Variants in NCK1 observed in about 807,000 individuals in gnomAD.
NCK1 encodes the protein SH2/SH3 adapter protein NCK1.
Under a neutral mutation model 36.6 loss-of-function variants are expected in NCK1, and 19 were observed. That is an observed-to-expected ratio of 0.52 (90% CI 0.36 to 0.76). The LOEUF (loss-of-function observed/expected upper bound fraction) is 0.76, where lower values mean the gene tolerates loss of function less well. Among genes scored for constraint, NCK1 ranks in the 30% least tolerant of loss-of-function variants. NCK1 has a pLI of 0.00. For missense variants in NCK1, 358 were observed against 445.6 expected, an observed-to-expected ratio of 0.80 and a Z score of 1.77; for synonymous variants, 165 against 156.0, an observed-to-expected ratio of 1.06 and a Z score of -0.43.
At chr3:136,931,095 C>A (rs1344688734) in intron 2 of NCK1, among the ~76,000 whole-genome samples, 1 of 150,890 alleles carries the variant, frequency 6.6e-6, no homozygotes, top group Non-Finnish European at 1.5e-5. Flanking sequence ...TGTAGTATTG[C>A]TAGAAATTGA....
In NCK1 at chr3:136,950,027, A is replaced by G. The variant is rs1940932499; in HGVS notation, c.*1574A>G. ...TTAGTTCATATTCTATTATTTTTCTAACTCAGTACTCCTTTGTTGAGGGTA... is the reference window on the plus strand; with the variant it reads ...TTAGTTCATATTCTATTATTTTTCTGACTCAGTACTCCTTTGTTGAGGGTA... On this transcript the variant is annotated 3_prime_UTR_variant, in exon 4 of 4. Transcript: ENST00000481752. 6.6e-6 allele frequency among the ~76,000 whole-genome samples: 1 copy of G among 152,060 alleles called. No individual in the cohort carries two copies. Among genetic ancestry groups the G allele is most frequent in the African/African-American group, 2.4e-5 (1 of 41,438 alleles).
rs559153867 is a variant in NCK1, at chr3:136,934,256, A to G, written c.226+6029A>G. 2.1e-4 allele frequency among the ~76,000 whole-genome samples: 32 copies of G among 151,774 alleles called. No homozygotes were observed. The South Asian group carries it at 2.5e-3, about 12-fold the overall frequency. ...GAAGGTTTGTTACATAGGTAAATAC[A>G]TGTCATGGGGGTTTGCTGTTCATAT... On this transcript the variant is annotated intron_variant, in intron 2 of 3. Transcript: ENST00000481752.
chr3:136,947,410 T>G (rs1352393097), intron 3 of NCK1, among the ~76,000 whole-genome samples: 1 of 152,128 alleles, frequency 6.6e-6, no homozygotes, highest in East Asian at 1.9e-4. Flanking sequence ...AGTGTAGATA[T>G]TAGACAAAAT....
chr3:136,929,360 T>A (rs1043052722), intron 2 of NCK1, among the ~76,000 whole-genome samples: 1 of 152,142 alleles, frequency 6.6e-6, no homozygotes, highest in African/African-American at 2.4e-5. Flanking sequence ...CAATTTGGAG[T>A]AAGATATAAA....
chr3:136,929,888 G>C (rs1940349083), intron 2 of NCK1, among the ~76,000 whole-genome samples: 1 of 152,136 alleles, frequency 6.6e-6, no homozygotes, highest in Non-Finnish European at 1.5e-5. Context: ...ATTTTTATTT[G>C]TTAATACTCC....
At chr3:136,914,930 T>A (rs1299422408) in intron 1 of NCK1, among the ~76,000 whole-genome samples, 2 of 152,168 alleles carry the variant, frequency 1.3e-5, no homozygotes, top group African/African-American at 4.8e-5. Context: ...GAGCCAGTTG[T>A]TAAAAAGAGC....
intron 1 of NCK1, among the ~76,000 whole-genome samples, chr3:136,901,891 C>A (rs1939549682): frequency 6.6e-6 from 1 of 150,684 alleles, no homozygotes; most frequent in Non-Finnish European, 1.5e-5. Context: ...TTTATTATTT[C>A]TTTCCTTCTA....
chr3:136,884,756 T>C (rs1484189517), intron 1 of NCK1, among the ~76,000 whole-genome samples: 1 of 150,154 alleles, frequency 6.7e-6, no homozygotes, highest in Admixed American at 6.7e-5. Context: ...AGTCTCACTC[T>C]GTTGCCCAGG....
chr3:136,862,641 CGGCCGCCCGTGCGAGCCTGGGA>C (rs1938262502), intron 1 of NCK1, among the ~76,000 whole-genome samples: 1 of 79,436 alleles, frequency 1.3e-5, no homozygotes. Flanking sequence ...AGAGCCCGGG[CGGCCGCCCGTGCGAGCCTGGGA>C]GGTCGAGTGT....
At chr3:136,939,984 T>A (rs1368509036) in intron 2 of NCK1, among the ~76,000 whole-genome samples, 1 of 151,958 alleles carries the variant, frequency 6.6e-6, no homozygotes, top group Non-Finnish European at 1.5e-5. Flanking sequence ...CCTGAGTAGC[T>A]GGAACTACAG....
intron 1 of NCK1, among the ~76,000 whole-genome samples, chr3:136,906,171 C>CTG (rs1369686968): frequency 1.3e-5 from 2 of 151,116 alleles, no homozygotes; most frequent in Non-Finnish European, 3.0e-5. Context: ...AGTGTAGTCT[C>CTG]TGTGTGTTTT....
At chr3:136,889,529 G>T (rs1476595218) in intron 1 of NCK1, among the ~76,000 whole-genome samples, 1 of 152,078 alleles carries the variant, frequency 6.6e-6, no homozygotes, top group Non-Finnish European at 1.5e-5. Flanking sequence ...TCCACAGTGT[G>T]GAAGGGGACC....
At chr3:136,939,074 T>A (rs1255877700) in intron 2 of NCK1, among the ~76,000 whole-genome samples, 1 of 152,216 alleles carries the variant, frequency 6.6e-6, no homozygotes, top group Non-Finnish European at 1.5e-5. Context: ...TTTAAACGTT[T>A]AGTAAAATCC....
chr3:136,887,897 C>A (rs910741759), intron 1 of NCK1, among the ~76,000 whole-genome samples: 1 of 151,840 alleles, frequency 6.6e-6, no homozygotes, highest in African/African-American at 2.4e-5. Context: ...TTCTTGTTAT[C>A]TTTTATTCAT....
intron 2 of NCK1, chr3:136,928,474 C>T (rs1940305410): frequency 4.4e-6 from 2 of 455,550 alleles, no homozygotes; most frequent in Non-Finnish European, 7.7e-6. Context: ...AGAACTAACT[C>T]TCACCTTCTA....
chr3:136,884,928 T>C (rs7629659), intron 1 of NCK1, among the ~76,000 whole-genome samples: 104,275 of 151,724 alleles, frequency 0.69, 36,062 homozygotes, highest in East Asian at 0.87. Flanking sequence ...ACCACGTTGG[T>C]CAGGCTGGTC....
At chr3:136,933,112 TG>T (rs1412592133) in intron 2 of NCK1, among the ~76,000 whole-genome samples, 5 of 152,200 alleles carry the variant, frequency 3.3e-5, no homozygotes, top group Admixed American at 6.5e-5. Flanking sequence ...GCAGCTTACA[TG>T]AGTAAAAAAC....
rs1447277785 is a variant in NCK1 at position 136,867,218 on chromosome 3, TC to T, written c.-19+4867del. ...CTTTCTTTTCCCTTCCTTCCTTCCT[TC>T]CTTCCGTCCATCCATCCGTCTGTCC... is the stretch of plus-strand genomic sequence containing the variant. On this transcript the variant is annotated intron_variant, in intron 1 of 3. Transcript: ENST00000481752. Among the ~76,000 whole-genome samples, 8 of 145,430 alleles carry T rather than the reference TC, an allele frequency of 5.5e-5. 2 individuals carry two copies. Among genetic ancestry groups the T allele is most frequent in the East Asian group, 2.1e-4 (1 of 4,866 alleles).
In NCK1 at chr3:136,950,664, A is replaced by G. The variant is rs1489672531; in HGVS notation, c.*2211A>G. Among the ~76,000 whole-genome samples, 1 of 152,180 alleles carries G rather than the reference A, an allele frequency of 6.6e-6. No homozygotes were observed. Among genetic ancestry groups the G allele is most frequent in the East Asian group, 1.9e-4 (1 of 5,200 alleles). The stretch of plus-strand genomic sequence containing the variant: ...AGCTAGATAGTAACAATACTTGTAT[A>G]AGAAACCAAGTTTCCTTATTCCCAG... On this transcript the variant is annotated 3_prime_UTR_variant, in exon 4 of 4. Transcript: ENST00000481752.
Sources: gnomAD v4.1 joint callset for allele counts (sites outside exome capture counted in the v4.1 genomes callset) on GRCh38, gnomAD v4.1.1 for gene constraint, MANE v1.5 for transcripts, NCBI Gene and HGNC (gene_info 2026-07-23, HGNC 2026-07-21) for gene names.